Variants in ARID5B observed in about 807,000 individuals in gnomAD.
ARID5B encodes the protein AT-rich interactive domain-containing protein 5B.
In ARID5B, 13 loss-of-function variants were observed where a neutral mutation model predicts 97.2. That is an observed-to-expected ratio of 0.13 (90% CI 0.09 to 0.21). The LOEUF (loss-of-function observed/expected upper bound fraction) is 0.21, where lower values mean the gene tolerates loss of function less well. ARID5B is among the 10% of genes least tolerant of loss of function. The pLI, the probability that ARID5B is intolerant of heterozygous loss-of-function variation, is 1.00. For missense variants in ARID5B, 1,210 were observed against 1,465.3 expected (o/e 0.83, Z 2.84); for synonymous variants, 556 against 570.3 (o/e 0.97, Z 0.36).
intron 2 of ARID5B, among the ~76,000 whole-genome samples, chr10:61,920,390 C>T (rs1053940663): frequency 3.3e-5 from 5 of 149,686 alleles, no homozygotes; most frequent in South Asian, 2.1e-4. Flanking sequence ...AGTGCAATGG[C>T]GCAATCTCGG....
At chr10:61,933,963 A>G (rs770204720) in intron 2 of ARID5B, among the ~76,000 whole-genome samples, 63 of 152,196 alleles carry the variant, frequency 4.1e-4, no homozygotes, top group Non-Finnish European at 3.7e-4. Flanking sequence ...TTTGCCCAAT[A>G]TAAGGCTGTT....
In ARID5B at chr10:62,050,742, A is replaced by G. The variant is rs1034105766; in HGVS notation, c.734-146A>G. ...CAATATGCAAGCCTTCAGAGAGAGA[A>G]GCATGTAATAATGAGGGCTGCCTGC... On this transcript the variant is annotated intron_variant, in intron 4 of 9. Transcript: ENST00000279873. 1.1e-5 allele frequency: 7 copies of G among 653,914 alleles called. No homozygotes were observed. In the Admixed American group the frequency reaches 1.1e-4, roughly 11 times the overall value. 40.5% of individuals were successfully genotyped at this position (653,914 alleles called of 1,614,324 possible).
chr10:61,902,563 C>A, intron 2 of ARID5B, 150 bp downstream of exon 2: 1 of 1,133,892 alleles, frequency 8.8e-7, no homozygotes. Context: ...CTAGCTGGGG[C>A]TCGAGTATTT....
intron 2 of ARID5B, among the ~76,000 whole-genome samples, chr10:61,935,633 C>A (rs1035933164): frequency 6.6e-6 from 1 of 152,000 alleles, no homozygotes; most frequent in Non-Finnish European, 1.5e-5. Context: ...TAGTCTGTAT[C>A]CTGACAATAT....
At chr10:61,905,258 G>C (rs1363050232) in intron 2 of ARID5B, among the ~76,000 whole-genome samples, 1 of 152,166 alleles carries the variant, frequency 6.6e-6, no homozygotes. Context: ...TTTCTTGATT[G>C]AGCTGACATC....
intron 3 of ARID5B, among the ~76,000 whole-genome samples, chr10:61,969,657 G>C (rs1238064640): frequency 6.6e-6 from 1 of 152,058 alleles, no homozygotes; most frequent in Non-Finnish European, 1.5e-5. Context: ...CTGATCTCTA[G>C]ACCTGCCATG....
intron 4 of ARID5B, among the ~76,000 whole-genome samples, chr10:62,021,084 G>A (rs1288976496): frequency 1.5e-5 from 2 of 135,914 alleles, no homozygotes; most frequent in South Asian, 2.3e-4. Flanking sequence ...GAAGATAGAA[G>A]ACAAAAGTTG....
chr10:61,913,072 T>C (rs74156280), intron 2 of ARID5B, among the ~76,000 whole-genome samples: 305 of 152,330 alleles, frequency 2.0e-3, no homozygotes, highest in African/African-American at 7.0e-3. Flanking sequence ...GTTTTTCTTC[T>C]GTTTTGGCAG....
At chr10:62,070,087 A>C (rs1249798712) in intron 8 of ARID5B, among the ~76,000 whole-genome samples, 1 of 148,610 alleles carries the variant, frequency 6.7e-6, no homozygotes, top group Non-Finnish European at 1.5e-5. Flanking sequence ...TGTTCTCTTT[A>C]GGCTCTCTTA....
rs570941960 is a variant in ARID5B, at chr10:62,083,456, C to T, written c.1200-2246C>T. ...CTCTCAGAACCCAGAGTGAGGGGTC[C>T]TTGGGCGTCCATGGGGTGTCTCTCC... On this transcript the variant is annotated intron_variant, in intron 8 of 9. Transcript: ENST00000279873. Among the ~76,000 whole-genome samples the T allele has an allele frequency of 2.0e-5, 3 of 152,214 alleles. No individual in the cohort carries two copies. The South Asian group carries it at 6.2e-4, about 32-fold the overall frequency.
At chr10:62,081,037 A>T (rs1040212148) in intron 8 of ARID5B, among the ~76,000 whole-genome samples, 2 of 152,064 alleles carry the variant, frequency 1.3e-5, no homozygotes, top group African/African-American at 4.8e-5. Flanking sequence ...TCCTGACCCC[A>T]AGTGATCCGA....
intron 2 of ARID5B, among the ~76,000 whole-genome samples, chr10:61,926,722 C>T (rs936699317): frequency 2.0e-5 from 3 of 152,146 alleles, no homozygotes; most frequent in African/African-American, 7.2e-5. Context: ...GATTCTCCTG[C>T]CTCAGCCTCC....
At chr10:61,930,039 G>C (rs1019051891) in intron 2 of ARID5B, among the ~76,000 whole-genome samples, 4 of 152,162 alleles carry the variant, frequency 2.6e-5, no homozygotes, top group African/African-American at 9.7e-5. Context: ...TGAATTTTTG[G>C]GACCAAACAG....
intron 4 of ARID5B, among the ~76,000 whole-genome samples, chr10:62,033,945 T>G (rs1316426502): frequency 6.6e-6 from 1 of 152,166 alleles, no homozygotes; most frequent in African/African-American, 2.4e-5. Flanking sequence ...CCTCTCTACT[T>G]TCTTATGAAA....
chr10:61,993,120 T>TAC (rs35119824), intron 3 of ARID5B, among the ~76,000 whole-genome samples: 4,080 of 148,112 alleles, frequency 0.028, 51 homozygotes, highest in Non-Finnish European at 0.031. Context: ...GGAAGGGAGA[T>TAC]ACACACACAC....
chr10:62,032,347 C>T (rs1362931974), intron 4 of ARID5B, among the ~76,000 whole-genome samples: 1 of 152,114 alleles, frequency 6.6e-6, no homozygotes, highest in African/African-American at 2.4e-5. Flanking sequence ...AAAACATGAA[C>T]TATTTAATGT....
chr10:62,020,669 C>G (rs893678870), intron 4 of ARID5B, among the ~76,000 whole-genome samples: 1 of 151,998 alleles, frequency 6.6e-6, no homozygotes, highest in African/African-American at 2.4e-5. Context: ...GCCTGAATGC[C>G]CTGGAAATGA....
chr10:61,920,981 A>G (rs1004667752), intron 2 of ARID5B, among the ~76,000 whole-genome samples: 1 of 152,220 alleles, frequency 6.6e-6, no homozygotes, highest in African/African-American at 2.4e-5. Flanking sequence ...AAGATCTCTC[A>G]TACAGGCAGT....
At chr10:62,011,844 C>T (rs946241651) in intron 4 of ARID5B, among the ~76,000 whole-genome samples, 13 of 152,126 alleles carry the variant, frequency 8.5e-5, no homozygotes, top group African/African-American at 1.9e-4. Context: ...ACCAGCTACT[C>T]GGCCTTTGCT....
Sources: gnomAD v4.1 joint callset for allele counts (sites outside exome capture counted in the v4.1 genomes callset) on GRCh38, gnomAD v4.1.1 for gene constraint, MANE v1.5 for transcripts, NCBI Gene and HGNC (gene_info 2026-07-23, HGNC 2026-07-21) for gene names.